TENM2: variants seen among roughly 807,000 people sequenced by gnomAD.
The protein encoded by TENM2 is teneurin transmembrane protein 2.
In TENM2, 52 loss-of-function variants were observed where a neutral mutation model predicts 245.2. The observed-to-expected ratio is 0.21, with a 90% CI of 0.17 to 0.27. The LOEUF is 0.27. Ranked by LOEUF, TENM2 falls within the 10% of genes least tolerant of loss-of-function variation. The pLI, the probability that TENM2 is intolerant of heterozygous loss-of-function variation, is 1.00. For missense variants in TENM2, 3,046 were observed against 3,666.8 expected, an observed-to-expected ratio of 0.83 and a Z score of 4.37; for synonymous variants, 1,363 against 1,438.9, an observed-to-expected ratio of 0.95 and a Z score of 1.19.
chr5:167,420,688 G>C (rs1293677463), intron 2 of TENM2, among the ~76,000 whole-genome samples: 1 of 152,058 alleles, frequency 6.6e-6, no homozygotes, highest in South Asian at 2.1e-4. Flanking sequence ...ACTTGCAACT[G>C]CCTTCCCATC....
At chr5:167,485,351 A>G (rs1415836603) in intron 2 of TENM2, among the ~76,000 whole-genome samples, 1 of 152,228 alleles carries the variant, frequency 6.6e-6, no homozygotes, top group Non-Finnish European at 1.5e-5. Context: ...AAAAAACCAC[A>G]TTATAGCTTT....
chr5:167,374,036 G>A (rs542344127), intron 1 of TENM2, among the ~76,000 whole-genome samples: 1 of 152,244 alleles, frequency 6.6e-6, no homozygotes, highest in African/African-American at 2.4e-5. Flanking sequence ...AATTGTGTTA[G>A]CAAAGAGAGA....
the TENM2 span, among the ~76,000 whole-genome samples, chr5:167,051,825 T>C: frequency 6.6e-6 from 1 of 152,210 alleles, no homozygotes; most frequent in Non-Finnish European, 1.5e-5. Flanking sequence ...CTATATCATA[T>C]AAGTAGCTGA....
the TENM2 span, among the ~76,000 whole-genome samples, chr5:167,046,947 C>A: frequency 6.6e-6 from 1 of 151,378 alleles, no homozygotes; most frequent in Non-Finnish European, 1.5e-5. Flanking sequence ...GGAGTGAGAA[C>A]ATGCACTGTT....
the TENM2 span, among the ~76,000 whole-genome samples, chr5:167,195,490 C>T: frequency 1.3e-5 from 2 of 152,100 alleles, no homozygotes; most frequent in Admixed American, 6.6e-5. Flanking sequence ...ATCACAACTA[C>T]TCAACTCAAG....
chr5:168,073,113 T>C (rs748289979), intron 7 of TENM2, among the ~76,000 whole-genome samples: 7 of 152,128 alleles, frequency 4.6e-5, no homozygotes, highest in Non-Finnish European at 1.0e-4. Flanking sequence ...GATGGGAGAT[T>C]TGGAATAACA....
chr5:167,747,371 C>G (rs1761663446), intron 2 of TENM2, among the ~76,000 whole-genome samples: 1 of 152,172 alleles, frequency 6.6e-6, no homozygotes, highest in Non-Finnish European at 1.5e-5. Context: ...ATTTCTCTAT[C>G]AAGGCTGGGT....
At chr5:168,151,696 G>T (rs1756667157) in intron 12 of TENM2, among the ~76,000 whole-genome samples, 1 of 152,174 alleles carries the variant, frequency 6.6e-6, no homozygotes, top group Non-Finnish European at 1.5e-5. Context: ...TCCAAGTACT[G>T]CCACATGGTG....
At chr5:167,901,004 T>C (rs1421080886) in intron 3 of TENM2, among the ~76,000 whole-genome samples, 1 of 150,858 alleles carries the variant, frequency 6.6e-6, no homozygotes, top group African/African-American at 2.5e-5. Flanking sequence ...GCCTTTTAAT[T>C]CCTTGAATTT....
rs1312604554 is a variant in TENM2 at position 167,821,748 on chromosome 5, A to G, written c.503-54238A>G. On this transcript the variant is annotated intron_variant, in intron 2 of 28. Transcript: ENST00000518659. ...TAAATGTATTATTACTAAGAACTCT[A>G]CAAGTCCCTTTTGATGATTTCATTG... Among the ~76,000 whole-genome samples the G allele has an allele frequency of 3.3e-5, 5 of 152,260 alleles. No homozygotes were observed. The East Asian group carries it at 9.7e-4, about 29-fold the overall frequency.
intron 9 of TENM2, among the ~76,000 whole-genome samples, chr5:168,105,511 G>A (rs1348403471): frequency 6.6e-6 from 1 of 152,150 alleles, no homozygotes; most frequent in African/African-American, 2.4e-5. Flanking sequence ...CGGGTCATGA[G>A]GATGCCTGTA....
At chr5:167,602,266 G>A (rs1158896325) in intron 2 of TENM2, among the ~76,000 whole-genome samples, 1 of 152,138 alleles carries the variant, frequency 6.6e-6, no homozygotes, top group Non-Finnish European at 1.5e-5. Context: ...AAGGAAAAAT[G>A]AGCCAAACAA....
intron 2 of TENM2, among the ~76,000 whole-genome samples, chr5:167,636,322 C>G (rs1016893546): frequency 3.1e-4 from 47 of 152,314 alleles, no homozygotes; most frequent in African/African-American, 9.9e-4. Flanking sequence ...ATCACCTATA[C>G]AATTAGCTAA....
At chr5:167,223,964 T>C in the TENM2 span, among the ~76,000 whole-genome samples, 1 of 152,198 alleles carries the variant, frequency 6.6e-6, no homozygotes, top group Non-Finnish European at 1.5e-5. Context: ...TTTTGTCATA[T>C]ACCTGTTGGC....
At chr5:167,024,298 A>G in the TENM2 span, among the ~76,000 whole-genome samples, 31 of 152,196 alleles carry the variant, frequency 2.0e-4, no homozygotes, top group Admixed American at 2.0e-3. Flanking sequence ...GTTAAGTATG[A>G]CATGTGCATT....
At chr5:167,776,190 C>CACACACAG (rs1203932734) in intron 2 of TENM2, among the ~76,000 whole-genome samples, 1 of 149,844 alleles carries the variant, frequency 6.7e-6, no homozygotes, top group Non-Finnish European at 1.5e-5. Flanking sequence ...CACACACACA[C>CACACACAG]AGAAGAGAAG....
At chr5:167,069,734 T>C in the TENM2 span, among the ~76,000 whole-genome samples, 1 of 152,248 alleles carries the variant, frequency 6.6e-6, no homozygotes, top group African/African-American at 2.4e-5. Flanking sequence ...TTTTGAATGA[T>C]GTTTACTTAA....
At position 168,247,339 on chromosome 5, in the gene TENM2, G is replaced by A. The variant is rs371525598; in HGVS notation, c.6400G>A (p.Val2134Ile). 3.7e-6 allele frequency: 6 copies of A among 1,613,826 alleles called. No individual in the cohort carries two copies. Among genetic ancestry groups the A allele is most frequent in the Non-Finnish European group, 5.1e-6 (6 of 1,179,902 alleles). The change falls in exon 27 of 29, where the codon GTC becomes ATC. Residue 2134 changes from valine (V) to isoleucine (I), a missense_variant. Physicochemically the swap from Val to Ile is conservative, Grantham distance 29. This residue lies in a region of TENM2 where 2,704 missense variants were observed against 3,331.9 expected (regional missense o/e 0.81). Coordinates refer to ENST00000518659, the Ensembl canonical transcript of TENM2. The surrounding 1 kb of genome is among the most constrained non-coding windows in gnomAD (Gnocchi z 7.8). The stretch of plus-strand genomic sequence containing the variant: ...GGTGGAACACTTTGGTAAGTTTGGA[G>A]TCATCTATTATGACATCAACCAGAT...
intron 2 of TENM2, among the ~76,000 whole-genome samples, chr5:167,629,337 G>A (rs917095044): frequency 6.6e-6 from 1 of 152,068 alleles, no homozygotes; most frequent in African/African-American, 2.4e-5. Context: ...TTACTTCCTA[G>A]GGTTTTTCTG....
Sources: allele counts gnomAD v4.1 joint callset (sites outside exome capture counted in the v4.1 genomes callset), GRCh38; gene constraint gnomAD v4.1.1; regional missense constraint gnomAD v4.1.1; non-coding constraint Gnocchi (gnomAD v3.1); transcripts MANE v1.5; gene names NCBI Gene and HGNC (gene_info 2026-07-23, HGNC 2026-07-21).